TBC1D2B: variants seen among roughly 807,000 people sequenced by gnomAD.
TBC1D2B encodes TBC1 domain family member 2B.
TBC1D2B carries 64 observed loss-of-function variants against 100.8 expected under a neutral mutation model. That is an observed-to-expected ratio of 0.64 (90% CI 0.52 to 0.78). TBC1D2B has a LOEUF of 0.78. Ranked by LOEUF, TBC1D2B falls within the 30% of genes least tolerant of loss-of-function variation. The pLI is 0.00. For synonymous variants in TBC1D2B, 480 were observed against 479.7 expected (o/e 1.00, Z -0.01); for missense variants, 1,052 against 1,218.4 (o/e 0.86, Z 2.03).
chr15:78,017,710 T>G, intron 7 of TBC1D2B, 137 bp downstream of exon 7: 1 of 563,922 alleles, frequency 1.8e-6, no homozygotes, highest in East Asian at 2.9e-5. Flanking sequence ...ATTATATGTA[T>G]TTTAAATATA....
rs566566274 is a variant in TBC1D2B at position 78,008,971 on chromosome 15, C to A, written c.2388+26G>T. 1.1e-4 allele frequency: 170 copies of A among 1,509,434 alleles called. No individual in the cohort carries two copies. The South Asian group carries it at 1.9e-3, about 17-fold the overall frequency. The allele number at this position is 1,509,434 out of a possible 1,614,324, so 93.5% of individuals were successfully genotyped here. A position where few individuals can be genotyped will look rare whatever the true frequency, so the allele number is the denominator to read the frequency against. On this transcript the variant is annotated intron_variant, in intron 10 of 12. Coordinates refer to ENST00000300584, the MANE Select transcript of TBC1D2B (RefSeq NM_144572.2). ...TCAGCTGCAATTCTAAAAGTGGTGA[C>A]TAAAACACAGAATTTTCAGAACTAC...
intron 1 of TBC1D2B, among the ~76,000 whole-genome samples, chr15:78,061,788 A>G (rs182078396): frequency 1.5e-3 from 221 of 150,662 alleles, no homozygotes; most frequent in Middle Eastern, 6.8e-3. Flanking sequence ...ATTAAATTAG[A>G]AAAAAAAAGC....
At chr15:78,045,157 ATAAAAATC>A (rs2073170778) in intron 2 of TBC1D2B, 89 bp from the exon 3 acceptor site, 1 of 1,183,600 alleles carries the variant, frequency 8.4e-7, no homozygotes, top group African/African-American at 1.5e-5. Flanking sequence ...GACATACTAT[ATAAAAATC>A]TAAACTATGT....
At chr15:78,037,489 T>C (rs1185247762) in intron 3 of TBC1D2B, among the ~76,000 whole-genome samples, 4 of 152,232 alleles carry the variant, frequency 2.6e-5, no homozygotes, top group Non-Finnish European at 5.9e-5. Flanking sequence ...AACCGCACCC[T>C]ACAGCCCCTG....
At chr15:78,047,784 T>C (rs2073228422) in intron 2 of TBC1D2B, among the ~76,000 whole-genome samples, 1 of 152,138 alleles carries the variant, frequency 6.6e-6, no homozygotes, top group Non-Finnish European at 1.5e-5. Context: ...TGAGTGTACC[T>C]ACTAGAGAGC....
intron 3 of TBC1D2B, among the ~76,000 whole-genome samples, chr15:78,031,554 C>CAGAAAAA (rs2072811788): frequency 1.8e-5 from 1 of 54,910 alleles, no homozygotes; most frequent in Non-Finnish European, 3.1e-5. Flanking sequence ...ACTCTGTCTC[C>CAGAAAAA]AAAAAAAAAA....
chr15:78,049,663 G>C (rs568741292), intron 2 of TBC1D2B, among the ~76,000 whole-genome samples: 21 of 151,936 alleles, frequency 1.4e-4, no homozygotes, highest in Admixed American at 7.9e-4. Flanking sequence ...CCTGCACCAA[G>C]TCCCACCAAA....
At chr15:78,073,147 T>C (rs1226401134) in intron 1 of TBC1D2B, among the ~76,000 whole-genome samples, 1 of 152,214 alleles carries the variant, frequency 6.6e-6, no homozygotes, top group Non-Finnish European at 1.5e-5. Flanking sequence ...GGTCTGAGTC[T>C]AGCTTCATGA....
At chr15:78,010,250 G>T (rs909700229) in intron 9 of TBC1D2B, among the ~76,000 whole-genome samples, 2 of 152,098 alleles carry the variant, frequency 1.3e-5, no homozygotes, top group Non-Finnish European at 2.9e-5. Flanking sequence ...TTGCTTTGTT[G>T]TTCATAACGG....
At chr15:78,023,179 C>T (rs1212382556) in intron 6 of TBC1D2B, among the ~76,000 whole-genome samples, 4 of 152,204 alleles carry the variant, frequency 2.6e-5, no homozygotes, top group Non-Finnish European at 5.9e-5. Flanking sequence ...CCTCCAAGGA[C>T]AAGCTCCATC....
chr15:78,033,865 G>A (rs1292094031), intron 3 of TBC1D2B, among the ~76,000 whole-genome samples: 1 of 152,094 alleles, frequency 6.6e-6, no homozygotes, highest in East Asian at 1.9e-4. Context: ...CTTTTTACTT[G>A]TACTTTAAAC....
At chr15:78,051,590 T>C (rs1238637644) in intron 2 of TBC1D2B, among the ~76,000 whole-genome samples, 4 of 152,228 alleles carry the variant, frequency 2.6e-5, no homozygotes, top group Non-Finnish European at 5.9e-5. Context: ...AGGGTCCTGA[T>C]GGGTGATGCC....
intron 6 of TBC1D2B, among the ~76,000 whole-genome samples, chr15:78,020,057 G>GT (rs1471503768): frequency 1.3e-5 from 2 of 152,006 alleles, no homozygotes; most frequent in Admixed American, 6.6e-5. Flanking sequence ...CCCAGCTAAT[G>GT]TTTTTTGTAG....
At chr15:78,055,300 G>A (rs565102911) in intron 1 of TBC1D2B, among the ~76,000 whole-genome samples, 1 of 90,774 alleles carries the variant, frequency 1.1e-5, no homozygotes, top group South Asian at 3.5e-4. Flanking sequence ...TACACAAAGA[G>A]TGAATATCAT....
intron 4 of TBC1D2B, among the ~76,000 whole-genome samples, chr15:78,029,558 T>A (rs1327482594): frequency 6.6e-6 from 1 of 152,216 alleles, no homozygotes; most frequent in African/African-American, 2.4e-5. Flanking sequence ...TGCAATGGAT[T>A]AATGCCTACA....
chr15:78,042,736 C>CG, intron 3 of TBC1D2B, among the ~76,000 whole-genome samples: 1 of 152,226 alleles, frequency 6.6e-6, no homozygotes. Context: ...ACAGAATGGC[C>CG]GGAACACAGA....
chr15:78,008,670 C>A (rs1352233823), intron 10 of TBC1D2B, among the ~76,000 whole-genome samples: 1 of 152,250 alleles, frequency 6.6e-6, no homozygotes, highest in Non-Finnish European at 1.5e-5. Context: ...CACCAGTCAC[C>A]CAAGCACACC....
At chr15:78,047,067 A>G (rs74573820) in intron 2 of TBC1D2B, among the ~76,000 whole-genome samples, 5,201 of 152,264 alleles carry the variant, frequency 0.034, 127 homozygotes, top group Middle Eastern at 0.054. Flanking sequence ...TCTGGCCAGG[A>G]GAGTCAATGC....
At chr15:78,028,139 T>C (rs2072719311) in intron 4 of TBC1D2B, among the ~76,000 whole-genome samples, 1 of 152,252 alleles carries the variant, frequency 6.6e-6, no homozygotes, top group East Asian at 1.9e-4. Flanking sequence ...CTTATTGTTA[T>C]TTTATGTTTA....
Sources: gnomAD v4.1 joint callset for allele counts (sites outside exome capture counted in the v4.1 genomes callset) on GRCh38, gnomAD v4.1.1 for gene constraint, MANE v1.5 for transcripts, NCBI Gene and HGNC (gene_info 2026-07-23, HGNC 2026-07-21) for gene names.